Variants in HIRA observed in about 807,000 individuals in gnomAD.
HIRA encodes the protein histone cell cycle regulator.
HIRA carries 13 observed loss-of-function variants against 126.6 expected under a neutral mutation model. The ratio of observed to expected loss-of-function variants is 0.10; its 90% confidence interval spans 0.07 to 0.16. The LOEUF is 0.16. Among genes scored for constraint, HIRA ranks in the 10% least tolerant of loss-of-function variants. The probability of loss-of-function intolerance (pLI) is 1.00; values close to 1 mark genes in which losing one functional copy is unlikely to be tolerated. For missense variants in HIRA, 834 were observed against 1,314.4 expected, an observed-to-expected ratio of 0.63 and a Z score of 5.65; for synonymous variants, 511 against 520.0, an observed-to-expected ratio of 0.98 and a Z score of 0.24.
intron 22 of HIRA, 128 bp downstream of exon 22, chr22:19,353,868 A>C (rs1556011706): frequency 8.4e-7 from 1 of 1,195,404 alleles, no homozygotes; most frequent in African/African-American, 1.5e-5. Context: ...GCCTGTGCTG[A>C]CCAGCACCTG....
intron 17 of HIRA, among the ~76,000 whole-genome samples, chr22:19,359,728 T>C (rs952665541): frequency 2.0e-5 from 3 of 152,282 alleles, no homozygotes; most frequent in East Asian, 3.9e-4. Flanking sequence ...ATTTGTGTAG[T>C]TGAACAGCCA....
chr22:19,335,722 G>T (rs556196366), intron 24 of HIRA, among the ~76,000 whole-genome samples: 23 of 151,828 alleles, frequency 1.5e-4, no homozygotes, highest in Admixed American at 8.5e-4. Context: ...TATCTGTTTT[G>T]TCTTCTCTCT....
chr22:19,397,862 C>A (rs1440680677), intron 6 of HIRA, 130 bp downstream of exon 6: 5 of 601,814 alleles, frequency 8.3e-6, no homozygotes, highest in Non-Finnish European at 1.5e-5. Context: ...GAAAAACTGA[C>A]AAGACACATA....
rs529148965 is a variant in HIRA, at chr22:19,351,618, G to A, written c.2849-172C>T. Reference sequence around the variant, plus strand: ...AAGACGCCCCTGCATGTCTCTCAGCGGGGGGCACTGAGACCCATAATCACA... The same window carrying A: ...AAGACGCCCCTGCATGTCTCTCAGCAGGGGGCACTGAGACCCATAATCACA... On this transcript the variant is annotated intron_variant, in intron 23 of 24. Coordinates refer to ENST00000263208, the MANE Select transcript of HIRA (RefSeq NM_003325.4). This position sits in a 1 kb window ranked among gnomAD's most constrained non-coding sequence, Gnocchi z 4.8. 2.6e-5 allele frequency among the ~76,000 whole-genome samples: 4 copies of A among 152,084 alleles called. No homozygotes were observed. The highest frequency in any genetic ancestry group is 2.1e-4 in the South Asian group (1 of 4,816).
intron 1 of HIRA, among the ~76,000 whole-genome samples, chr22:19,425,023 G>A (rs1379752771): frequency 4.6e-5 from 7 of 152,084 alleles, no homozygotes; most frequent in Admixed American, 3.9e-4. Context: ...TCCCTAGGAG[G>A]TCCCAGCAGA....
At chr22:19,420,150 C>T (rs2089432559) in intron 1 of HIRA, among the ~76,000 whole-genome samples, 7 of 151,788 alleles carry the variant, frequency 4.6e-5, no homozygotes, top group Non-Finnish European at 1.0e-4. Flanking sequence ...GAAGCATCTG[C>T]CAACATATAA....
At chr22:19,406,765 C>T (rs1386963768) in intron 4 of HIRA, among the ~76,000 whole-genome samples, 1 of 152,194 alleles carries the variant, frequency 6.6e-6, no homozygotes, top group Non-Finnish European at 1.5e-5. Flanking sequence ...GCAGAGGCTG[C>T]CCCAGGTGGG....
intron 13 of HIRA, 36 bp downstream of exon 13, chr22:19,383,584 G>T (rs374627242): frequency 6.6e-7 from 1 of 1,524,820 alleles, no homozygotes; most frequent in Non-Finnish European, 9.1e-7. Context: ...GGAAGATCTC[G>T]CCAGATAAGA....
intron 18 of HIRA, among the ~76,000 whole-genome samples, chr22:19,358,303 C>G (rs374017509): frequency 3.9e-5 from 6 of 152,200 alleles, no homozygotes; most frequent in Middle Eastern, 3.2e-3. Flanking sequence ...CATTTTTGGG[C>G]TGTAACACTG....
intron 11 of HIRA, among the ~76,000 whole-genome samples, chr22:19,387,155 G>A (rs1226644423): frequency 6.6e-6 from 1 of 152,238 alleles, no homozygotes; most frequent in Non-Finnish European, 1.5e-5. Context: ...GCCTGGCCCA[G>A]AGGCAGCAGG....
chr22:19,405,903 A>T (rs1414583396), intron 4 of HIRA, 23 bp from the exon 5 acceptor site: 18 of 1,437,418 alleles, frequency 1.3e-5, no homozygotes, highest in Non-Finnish European at 1.3e-5. Flanking sequence ...GGGGCCAAAA[A>T]GGCACTCATG....
chr22:19,361,821 C>G lies in HIRA; in HGVS notation c.1886G>C (p.Arg629Pro). The change falls in exon 16 of 25, where the codon CGA becomes CCA. Residue 629 changes from arginine (R) to proline (P), a missense_variant. Arg to Pro is a moderately radical substitution (Grantham distance 103). Transcript: ENST00000263208. ...PLAKASSLSK[R>P]KLELEVETVE... is the part of the protein sequence containing the mutation. ...TGTCTCTACCTCAAGCTCAAGTTTT[C>G]GCTTGGACAGTGAGGAAGCCTTAGC... The G allele has an allele frequency of 4.3e-6, 7 of 1,614,142 alleles. No homozygotes were observed. Among genetic ancestry groups the G allele is most frequent in the Non-Finnish European group, 5.9e-6 (7 of 1,180,020 alleles).
At chr22:19,387,865 C>G (rs759500612) in intron 10 of HIRA, 49 bp from the exon 11 acceptor site, 2 of 1,375,302 alleles carry the variant, frequency 1.5e-6, no homozygotes, top group Admixed American at 3.8e-5. Context: ...CCCAGGCAGA[C>G]ACATGTGCCG....
At chr22:19,358,362 G>A (rs1386005777) in intron 18 of HIRA, among the ~76,000 whole-genome samples, 2 of 152,164 alleles carry the variant, frequency 1.3e-5, no homozygotes, top group African/African-American at 4.8e-5. Flanking sequence ...CTAAGCAGGA[G>A]GAGAGGTCCC....
At chr22:19,426,898 T>C (rs929499889) in intron 1 of HIRA, among the ~76,000 whole-genome samples, 6 of 152,194 alleles carry the variant, frequency 3.9e-5, no homozygotes, top group Admixed American at 2.0e-4. Context: ...ACTGACTTCA[T>C]GAACAGATTA....
chr22:19,421,521 G>A (rs566238782), intron 1 of HIRA, among the ~76,000 whole-genome samples: 14 of 152,156 alleles, frequency 9.2e-5, no homozygotes, highest in African/African-American at 3.1e-4. Flanking sequence ...TTTCCAAATG[G>A]TTTGAAAGAC....
At chr22:19,362,814 G>C (rs1235694665) in intron 15 of HIRA, among the ~76,000 whole-genome samples, 1 of 151,762 alleles carries the variant, frequency 6.6e-6, no homozygotes, top group African/African-American at 2.4e-5. Flanking sequence ...ACCCGCCTCA[G>C]CCTCCCAAAG....
chr22:19,370,865 C>T (rs374358825), intron 15 of HIRA, among the ~76,000 whole-genome samples: 15 of 152,170 alleles, frequency 9.9e-5, no homozygotes, highest in African/African-American at 1.9e-4. Context: ...ACAGATCTTG[C>T]TACAGCTGTA....
intron 24 of HIRA, among the ~76,000 whole-genome samples, chr22:19,348,688 G>C (rs1244202660): frequency 6.6e-6 from 1 of 151,728 alleles, no homozygotes. Flanking sequence ...GTAGAGATGG[G>C]GTTTCACTAA....
Sources: allele counts gnomAD v4.1 joint callset (sites outside exome capture counted in the v4.1 genomes callset), GRCh38; gene constraint gnomAD v4.1.1; non-coding constraint Gnocchi (gnomAD v3.1); transcripts MANE v1.5; gene names NCBI Gene and HGNC (gene_info 2026-07-23, HGNC 2026-07-21).